Variants in PTPRD observed in about 807,000 individuals in gnomAD.
PTPRD encodes protein tyrosine phosphatase receptor type D.
Under a neutral mutation model 214.5 loss-of-function variants are expected in PTPRD, and 34 were observed. The ratio of observed to expected loss-of-function variants is 0.16; its 90% CI spans 0.12 to 0.21. The LOEUF (loss-of-function observed/expected upper bound fraction) is 0.21. Among genes scored for constraint, PTPRD ranks in the 10% least tolerant of loss-of-function variants. The pLI, the probability that PTPRD is intolerant of heterozygous loss-of-function variation, is 1.00. For synonymous variants in PTPRD, 1,128 were observed against 845.7 expected, an observed-to-expected ratio of 1.33 and a Z score of -5.79; for missense variants, 2,545 against 2,398.7, an observed-to-expected ratio of 1.06 and a Z score of -1.27.
At chr9:8,385,774 C>T (rs768880204) in intron 37 of PTPRD, among the ~76,000 whole-genome samples, 10 of 152,074 alleles carry the variant, frequency 6.6e-5, no homozygotes, top group South Asian at 2.1e-4. Flanking sequence ...GTCTGTTCCC[C>T]GGCTGATCTC....
chr9:10,540,763 T>G (rs894150330), intron 2 of PTPRD, among the ~76,000 whole-genome samples: 1 of 152,188 alleles, frequency 6.6e-6, no homozygotes, highest in South Asian at 2.1e-4. Flanking sequence ...AGGTTGAAAT[T>G]TGGCTTTGTT....
At position 8,485,846 on chromosome 9, in the gene PTPRD, C is replaced by G. The variant is rs146684382; in HGVS notation, c.2971G>C (p.Asp991His). ...LTGLKPDTTY[D>H]VKVRAHTSKG... ...CTCGTATGAGCACGTACTTTTACAT[C>G]GTATGTGGTATCTGGTTTTAAGCCA... The change falls in exon 28 of 46, where the codon GAT (aspartate) becomes CAT (histidine). Residue 991 changes from aspartate (D) to histidine (H), a missense_variant. Asp to His is a moderately conservative substitution (Grantham distance 81). Coordinates refer to ENST00000381196, the MANE Select transcript of PTPRD (RefSeq NM_002839.4). The G allele has an allele frequency of 1.1e-5, 18 of 1,614,018 alleles. No individual in the cohort carries two copies. The highest frequency in any genetic ancestry group is 4.0e-5 in the African/African-American group (3 of 74,920).
chr9:9,520,139 C>G (rs2096931617), intron 8 of PTPRD, among the ~76,000 whole-genome samples: 2 of 138,206 alleles, frequency 1.4e-5, no homozygotes, highest in Admixed American at 1.4e-4. Flanking sequence ...GTGTTCTCAC[C>G]TCAATCTATT....
intron 7 of PTPRD, among the ~76,000 whole-genome samples, chr9:9,701,937 G>A (rs1041983586): frequency 6.6e-6 from 1 of 152,070 alleles, no homozygotes; most frequent in African/African-American, 2.4e-5. Flanking sequence ...TGGCCAACAT[G>A]GTGAAACTCC....
intron 14 of PTPRD, among the ~76,000 whole-genome samples, chr9:8,546,402 G>C (rs1001718146): frequency 3.3e-5 from 5 of 152,162 alleles, no homozygotes; most frequent in African/African-American, 1.2e-4. Flanking sequence ...GCAGAGAATA[G>C]CATTTACTAT....
intron 3 of PTPRD, among the ~76,000 whole-genome samples, chr9:10,293,443 T>G (rs2095587543): frequency 6.6e-6 from 1 of 151,918 alleles, no homozygotes; most frequent in Non-Finnish European, 1.5e-5. Flanking sequence ...TTGATATTAT[T>G]TACTGTAGAT....
intron 11 of PTPRD, among the ~76,000 whole-genome samples, chr9:8,863,031 C>T (rs1423927113): frequency 6.6e-6 from 1 of 152,036 alleles, no homozygotes; most frequent in East Asian, 1.9e-4. Flanking sequence ...CTAACCTGCA[C>T]AATGTGTACA....
intron 8 of PTPRD, among the ~76,000 whole-genome samples, chr9:9,501,565 T>C (rs983884170): frequency 3.9e-5 from 6 of 151,918 alleles, no homozygotes; most frequent in African/African-American, 1.4e-4. Flanking sequence ...ACAATCTTGT[T>C]CTAGTTAATG....
At chr9:9,137,118 GT>G (rs1366260316) in intron 10 of PTPRD, among the ~76,000 whole-genome samples, 2 of 152,112 alleles carry the variant, frequency 1.3e-5, no homozygotes, top group East Asian at 1.9e-4. Flanking sequence ...ACAGAAAAAT[GT>G]TTTCACTGTT....
At chr9:9,919,344 C>G (rs1292507903) in intron 5 of PTPRD, among the ~76,000 whole-genome samples, 3 of 152,076 alleles carry the variant, frequency 2.0e-5, no homozygotes, top group African/African-American at 7.2e-5. Flanking sequence ...TCACCTCAAC[C>G]CAGTCTCTCT....
intron 12 of PTPRD, among the ~76,000 whole-genome samples, chr9:8,728,478 G>A (rs991792925): frequency 6.6e-6 from 1 of 152,086 alleles, no homozygotes; most frequent in Non-Finnish European, 1.5e-5. Context: ...AATTACAGGC[G>A]TGAGCCACCA....
chr9:9,650,076 G>T (rs1300675455), intron 7 of PTPRD, among the ~76,000 whole-genome samples: 1 of 152,068 alleles, frequency 6.6e-6, no homozygotes, highest in Non-Finnish European at 1.5e-5. Flanking sequence ...GGAGGAACCT[G>T]GTGGGAGGTG....
chr9:8,940,280 C>CCTTTGTTTTTTTTTT (rs763715400), intron 11 of PTPRD, among the ~76,000 whole-genome samples: 6 of 89,022 alleles, frequency 6.7e-5, no homozygotes, highest in Non-Finnish European at 1.0e-4. Context: ...TCTCTCTCTC[C>CCTTTGTTTTTTTTTT]TTTTTTTTTT....
chr9:8,949,290 A>C (rs2099089420), intron 11 of PTPRD, among the ~76,000 whole-genome samples: 2 of 152,114 alleles, frequency 1.3e-5, no homozygotes, highest in African/African-American at 4.8e-5. Flanking sequence ...TAGATAAAAC[A>C]TGTGAAGAGT....
chr9:10,228,534 T>C (rs918204760), intron 3 of PTPRD, among the ~76,000 whole-genome samples: 2 of 152,074 alleles, frequency 1.3e-5, no homozygotes, highest in South Asian at 2.1e-4. Context: ...ACTTTTCGAA[T>C]ATAAGAAAAT....
chr9:10,489,510 C>G lies in PTPRD; in HGVS notation c.-600+122888G>C, dbSNP rs146778370. On this transcript the variant is annotated intron_variant, in intron 2 of 45. Transcript: ENST00000381196. ...ATGTACACTGTCTCTGTGCCCAGTT[C>G]AGCACTAGGACTCACCTAGAAGTTG... 7.0e-4 allele frequency among the ~76,000 whole-genome samples: 107 copies of G among 152,266 alleles called. 1 individual carries two copies. The highest frequency in any genetic ancestry group is 2.3e-3 in the African/African-American group (97 of 41,558).
intron 9 of PTPRD, among the ~76,000 whole-genome samples, chr9:9,236,071 C>T (rs2099966489): frequency 6.6e-6 from 1 of 152,014 alleles, no homozygotes. Context: ...CAAGACCAGC[C>T]TGGCCAACAT....
At chr9:9,059,216 C>T (rs1352995471) in intron 10 of PTPRD, among the ~76,000 whole-genome samples, 1 of 152,110 alleles carries the variant, frequency 6.6e-6, no homozygotes, top group African/African-American at 2.4e-5. Context: ...TAGGACTATT[C>T]AAGAGGAAAA....
At chr9:8,725,050 G>C (rs2098542920) in intron 12 of PTPRD, among the ~76,000 whole-genome samples, 1 of 152,164 alleles carries the variant, frequency 6.6e-6, no homozygotes, top group African/African-American at 2.4e-5. Context: ...TCCTGGTTTT[G>C]ATAATGTACT....
Sources: gnomAD v4.1 joint callset for allele counts (sites outside exome capture counted in the v4.1 genomes callset) on GRCh38, gnomAD v4.1.1 for gene constraint, MANE v1.5 for transcripts, NCBI Gene and HGNC (gene_info 2026-07-23, HGNC 2026-07-21) for gene names.